The following MID1 variants were observed in gnomAD, a reference collection of about 807,000 sequenced individuals.
The protein encoded by MID1 is E3 ubiquitin-protein ligase Midline-1.
MID1 carries 7 observed loss-of-function variants against 40.4 expected under a neutral mutation model. The observed-to-expected ratio is 0.17, with a 90% CI of 0.10 to 0.33. The LOEUF (loss-of-function observed/expected upper bound fraction) is 0.33, where lower values mean the gene tolerates loss of function less well. Ranked by LOEUF, MID1 falls within the 10% of genes least tolerant of loss-of-function variation. The pLI is 1.00. For missense variants in MID1, 367 were observed against 558.5 expected (o/e 0.66, Z 3.46); for synonymous variants, 229 against 221.2 (o/e 1.04, Z -0.31).
chrX:10,479,495 C>T (rs1204738196), intron 5 of MID1, among the ~76,000 whole-genome samples: 1 of 111,193 alleles, frequency 9.0e-6, no homozygotes, highest in Non-Finnish European at 1.9e-5. Flanking sequence ...CCACAACTCC[C>T]TACTATACTT....
intron 1 of MID1, among the ~76,000 whole-genome samples, chrX:10,749,504 G>C (rs1029821840): frequency 8.9e-6 from 1 of 112,107 alleles, no homozygotes; most frequent in Non-Finnish European, 1.9e-5. Flanking sequence ...GATGACACAA[G>C]AGATGATTGA....
At chrX:10,820,600 G>A (rs1052148428) in intron 1 of MID1, among the ~76,000 whole-genome samples, 12 of 99,706 alleles carry the variant, frequency 1.2e-4, no homozygotes, top group East Asian at 3.2e-4. Context: ...AGTGATTTAC[G>A]TCATAAAGAA....
intron 1 of MID1, among the ~76,000 whole-genome samples, chrX:10,732,344 C>G (rs1348637907): frequency 8.9e-6 from 1 of 112,132 alleles, no homozygotes; most frequent in African/African-American, 3.2e-5. Context: ...CATTTTAACA[C>G]ATCAGCATGC....
chrX:10,593,992 T>C (rs1935364682), intron 1 of MID1, among the ~76,000 whole-genome samples: 1 of 111,629 alleles, frequency 9.0e-6, no homozygotes, highest in Non-Finnish European at 1.9e-5. Flanking sequence ...CTCTCACTTA[T>C]GGGCCTACAA....
chrX:10,596,309 G>A lies in MID1; in HGVS notation c.-57+23981C>T, dbSNP rs996569588. 3.0e-4 allele frequency among the ~76,000 whole-genome samples: 33 copies of A among 111,399 alleles called. 1 individual carries two copies. The highest frequency in any genetic ancestry group is 2.5e-3 in the Admixed American group (26 of 10,483). On this transcript the variant is annotated intron_variant, in intron 1 of 9. Transcript: ENST00000317552. ...GATTACTTCCACGAGTTCACTCACCGATACCCGCCCAAGTACTGTCTTTTT... is the reference window on the plus strand; with the variant it reads ...GATTACTTCCACGAGTTCACTCACCAATACCCGCCCAAGTACTGTCTTTTT...
intron 7 of MID1, among the ~76,000 whole-genome samples, chrX:10,464,326 T>C (rs1388514493): frequency 1.8e-5 from 2 of 112,098 alleles, no homozygotes; most frequent in African/African-American, 6.5e-5. Flanking sequence ...TCGATGCAAA[T>C]AGCACAGAAA....
At chrX:10,603,143 A>G (rs1429232415) in intron 1 of MID1, among the ~76,000 whole-genome samples, 1 of 112,515 alleles carries the variant, frequency 8.9e-6, no homozygotes, top group Non-Finnish European at 1.9e-5. Flanking sequence ...TTTCCTACTT[A>G]TCTGCCCACA....
intron 1 of MID1, among the ~76,000 whole-genome samples, chrX:10,731,771 C>G (rs867732616): frequency 9.1e-6 from 1 of 109,447 alleles, no homozygotes; most frequent in African/African-American, 3.3e-5. Context: ...CCAGCCTGGC[C>G]AACATGGCGA....
Position 10,473,232 on chromosome X carries a change from T to A in MID1, c.1141+1391A>T, listed in dbSNP as rs758216067. Among the ~76,000 whole-genome samples, 4 of 112,816 alleles carry A rather than the reference T, an allele frequency of 3.5e-5. No homozygotes were observed. In the South Asian group the frequency reaches 1.5e-3, roughly 41 times the overall value. On this transcript the variant is annotated intron_variant, in intron 6 of 9. Transcript: ENST00000317552. The stretch of plus-strand genomic sequence containing the variant: ...GAACATATCTATCATCATAGAAAGT[T>A]TTATTGGATAGTGTCAGTTTAAATA...
At chrX:10,626,849 A>G (rs924555516) in intron 1 of MID1, among the ~76,000 whole-genome samples, 1 of 112,059 alleles carries the variant, frequency 8.9e-6, no homozygotes, top group Non-Finnish European at 1.9e-5. Flanking sequence ...TGACACCATT[A>G]TATTGGAAGA....
chrX:10,569,869 C>G (rs997946495), intron 1 of MID1, among the ~76,000 whole-genome samples: 12 of 111,392 alleles, frequency 1.1e-4, no homozygotes, highest in African/African-American at 3.9e-4. Context: ...ATCTGGGGTT[C>G]ACATCACCTC....
chrX:10,824,534 C>T (rs913511072), intron 1 of MID1, among the ~76,000 whole-genome samples: 1 of 112,297 alleles, frequency 8.9e-6, no homozygotes, highest in Non-Finnish European at 1.9e-5. Flanking sequence ...ACTGCACATA[C>T]TAATCAGAAG....
At chrX:10,760,014 TACACATAA>T (rs2043665482) in intron 1 of MID1, among the ~76,000 whole-genome samples, 1 of 111,841 alleles carries the variant, frequency 8.9e-6, no homozygotes, top group Non-Finnish European at 1.9e-5. Flanking sequence ...CTCTTCCAGG[TACACATAA>T]ACTTTGTTGA....
intron 1 of MID1, among the ~76,000 whole-genome samples, chrX:10,641,667 A>T (rs1936197818): frequency 8.9e-6 from 1 of 111,932 alleles, no homozygotes; most frequent in African/African-American, 3.3e-5. Context: ...TTCATTTTAT[A>T]AGGCCAACAT....
intron 1 of MID1, among the ~76,000 whole-genome samples, chrX:10,681,912 G>A (rs1349034709): frequency 8.9e-6 from 1 of 112,056 alleles, no homozygotes; most frequent in Non-Finnish European, 1.9e-5. Context: ...GCACTTAATA[G>A]ACACTCAATA....
chrX:10,543,307 A>C (rs187028779), intron 2 of MID1, among the ~76,000 whole-genome samples: 144 of 112,235 alleles, frequency 1.3e-3, no homozygotes, highest in African/African-American at 4.4e-3. Flanking sequence ...AGAGCTGGAT[A>C]AAGTGGCTTC....
intron 2 of MID1, among the ~76,000 whole-genome samples, chrX:10,560,478 TCTCG>T (rs779516832): frequency 1.4e-4 from 16 of 111,038 alleles, no homozygotes; most frequent in Non-Finnish European, 2.5e-4. Context: ...AACCCCATCA[TCTCG>T]GCCCCAAAGC....
intron 1 of MID1, among the ~76,000 whole-genome samples, chrX:10,577,593 C>T (rs1223663800): frequency 9.2e-6 from 1 of 109,248 alleles, no homozygotes; most frequent in Non-Finnish European, 1.9e-5. Context: ...ACACAGGTTT[C>T]ACATACACAC....
At chrX:10,739,673 T>G (rs2043509165) in intron 1 of MID1, among the ~76,000 whole-genome samples, 1 of 112,073 alleles carries the variant, frequency 8.9e-6, no homozygotes, top group Admixed American at 9.5e-5. Flanking sequence ...GAGGTTACAA[T>G]AGGATAAAAT....
Sources: allele counts gnomAD v4.1 joint callset (sites outside exome capture counted in the v4.1 genomes callset), GRCh38; gene constraint gnomAD v4.1.1; transcripts MANE v1.5; gene names NCBI Gene and HGNC (gene_info 2026-07-23, HGNC 2026-07-21).